The following PRAMEF2 variants were observed in gnomAD, a reference collection of about 807,000 sequenced individuals.
The protein encoded by PRAMEF2 is PRAME family member 2.
A neutral mutation model predicts 38.0 loss-of-function variants in PRAMEF2; 35 were observed. That is an observed-to-expected ratio of 0.92 (90% CI 0.70 to 1.22). PRAMEF2 has a LOEUF of 1.22. PRAMEF2 is among the 50% of genes most tolerant of loss of function. The probability of loss-of-function intolerance (pLI) is 0.00; values close to 1 mark genes in which losing one functional copy is unlikely to be tolerated. For missense variants in PRAMEF2, 562 were observed against 553.9 expected, an observed-to-expected ratio of 1.01 and a Z score of -0.15; for synonymous variants, 240 against 232.4, an observed-to-expected ratio of 1.03 and a Z score of -0.30.
At position 12,861,508 on chromosome 1, in the gene PRAMEF2, G is replaced by C; in HGVS notation, c.1154G>C (p.Gly385Ala). Residue 385 changes from glycine (G) to alanine (A), a missense_variant, in exon 4 of 4, where the codon GGC (glycine) becomes GCC (alanine). Coordinates refer to ENST00000240189, the MANE Select transcript of PRAMEF2 (RefSeq NM_023014.1). ...CCSQLTTFYF[G>A]SNCMSIDALK... Reference sequence around the variant, plus strand: ...TCCCAGCTCACCACCTTCTACTTTGGCAGCAATTGCATGTCTATTGACGCC... The same window carrying C: ...TCCCAGCTCACCACCTTCTACTTTGCCAGCAATTGCATGTCTATTGACGCC... 1 of 1,605,556 alleles carries C rather than the reference G, an allele frequency of 6.2e-7. No homozygotes were observed. Among genetic ancestry groups the C allele is most frequent in the African/African-American group, 1.3e-5 (1 of 74,230 alleles).
In PRAMEF2 at chr1:12,859,915, G is replaced by T; in HGVS notation, c.510G>T (p.Trp170Cys). 1.3e-6 allele frequency: 2 copies of T among 1,587,772 alleles called. No individual in the cohort carries two copies. ...QDECLRYLFQWVYQRRGLVHL... is the reference protein window; with the variant it reads ...QDECLRYLFQCVYQRRGLVHL... ...AATGCCTGAGATACCTCTTCCAGTG[G>T]GTTTACCAAAGGAGAGGTTTAGTAC... Residue 170 changes from tryptophan to cysteine, a missense_variant, in exon 3 of 4, where the codon TGG (tryptophan) becomes TGT (cysteine). Physicochemically the swap from Trp to Cys is radical, Grantham distance 215. Transcript: ENST00000240189.
rs1640527257 is a variant in PRAMEF2, at chr1:12,860,335, A to T, written c.866+64A>T. 10 of 1,594,596 alleles carry T rather than the reference A, an allele frequency of 6.3e-6. No individual in the cohort carries two copies. The South Asian group carries it at 1.1e-4, about 18-fold the overall frequency. On this transcript the variant is annotated intron_variant, in intron 3 of 3. Coordinates refer to ENST00000240189, the MANE Select transcript of PRAMEF2 (RefSeq NM_023014.1). The stretch of plus-strand genomic sequence containing the variant: ...ACAGACTTGTTCTGTTACAGCAAAC[A>T]TTAGAAGGCGTGTACTGTGTGCCAG...
In PRAMEF2 at chr1:12,860,121, T is replaced by A; in HGVS notation, c.716T>A (p.Phe239Tyr). The change falls in exon 3 of 4, where the codon TTC (phenylalanine) becomes TAC (tyrosine). Residue 239 changes from phenylalanine to tyrosine, a missense_variant. By Grantham distance (22) the Phe-to-Tyr change is conservative (BLOSUM62 3). Coordinates refer to ENST00000240189, the MANE Select transcript of PRAMEF2 (RefSeq NM_023014.1). ...ATGAAGACTCTTTGCAAACTCGTTT[T>A]CTCCAGGTGCCATCATTACACGTCA... is the stretch of plus-strand genomic sequence containing the variant. The part of the protein sequence containing the change: ...KEMKTLCKLV[F>Y]SRCHHYTSDN... The A allele has an allele frequency of 6.2e-7, 1 of 1,606,686 alleles. No individual in the cohort carries two copies. Among genetic ancestry groups the A allele is most frequent in the East Asian group, 2.2e-5 (1 of 44,686 alleles).
intron 2 of PRAMEF2, 127 bp downstream of exon 2, chr1:12,859,423 G>A (rs1485842153): frequency 4.6e-6 from 7 of 1,537,156 alleles, no homozygotes; most frequent in Non-Finnish European, 5.3e-6. Flanking sequence ...GAAGCTCAGG[G>A]AGGCTTTGGC....
rs1441305885 is a variant in PRAMEF2 at position 12,857,148 on chromosome 1, G to T, written c.-26+1G>T. On this transcript the variant is annotated splice_donor_variant, in intron 1 of 3. Transcript: ENST00000240189. LOFTEE classifies it low-confidence loss of function (5UTR_SPLICE). ...ACTCTGCAAAGTGAGTCCAGCGCTG[G>T]TAAGTCACCACCTTCTTAGGGTCAT... The T allele has an allele frequency of 6.7e-6, 1 of 148,174 alleles. No homozygotes were observed. The highest frequency in any genetic ancestry group is 1.5e-5 in the Non-Finnish European group (1 of 66,942). The allele number at this position is 148,174 out of a possible 1,614,324, so 9.2% of individuals were successfully genotyped here.
intron 1 of PRAMEF2, among the ~76,000 whole-genome samples, chr1:12,858,326 G>A (rs111742809): frequency 0.047 from 7,005 of 149,652 alleles, 108 homozygotes; most frequent in East Asian, 0.22. Context: ...GTGTGATGTC[G>A]GCTCACTGAA....
chr1:12,861,295 C>G lies in PRAMEF2; in HGVS notation c.941C>G (p.Ser314Cys). The stretch of plus-strand genomic sequence containing the variant: ...TTAGAAGAGGACTTGAAGTGTCTCT[C>G]CCAGTTCCCAAGCCTCGGTTACCTA... ...NLLEEDLKCL[S>C]QFPSLGYLKH... The change falls in exon 4 of 4, where the codon TCC (serine) becomes TGC (cysteine). Residue 314 changes from serine (S) to cysteine (C), a missense_variant. By Grantham distance (112) the Ser-to-Cys change is moderately radical (BLOSUM62 -1). Transcript: ENST00000240189. 1 of 1,599,800 alleles carries G rather than the reference C, an allele frequency of 6.3e-7. No individual in the cohort carries two copies. The highest frequency in any genetic ancestry group is 8.5e-7 in the Non-Finnish European group (1 of 1,172,208).
rs776562157 is a variant in PRAMEF2 at position 12,859,029 on chromosome 1, C to T, written c.20C>T (p.Pro7Leu). MSIQAP[P>L]RLLELAGQSL... ...ATCAGGATGAGCATCCAGGCCCCAC[C>T]GAGACTACTGGAGCTGGCGGGGCAG... Residue 7 changes from proline (P) to leucine (L), a missense_variant, in exon 2 of 4, where the codon CCG becomes CTG. Coordinates refer to ENST00000240189, the MANE Select transcript of PRAMEF2 (RefSeq NM_023014.1). The T allele has an allele frequency of 8.7e-6, 14 of 1,603,682 alleles. No individual in the cohort carries two copies. The highest frequency in any genetic ancestry group is 6.6e-5 in the South Asian group (6 of 90,396).
chr1:12,859,732 T>C lies in PRAMEF2; in HGVS notation c.327T>C (p.Asp109=), dbSNP rs17400817. 0.21 allele frequency: 317,626 copies of C among 1,522,344 alleles called. 46,029 individuals carry two copies. The highest frequency in any genetic ancestry group is 0.39 in the African/African-American group (27,955 of 72,538). The allele number at this position is 1,522,344 out of a possible 1,614,324, so 94.3% of individuals were successfully genotyped here. A position where few individuals can be genotyped will look rare whatever the true frequency, so the allele number is the denominator to read the frequency against. ...AAGTGCTGGATTTGCGGGATGTTGA[T>C]GAGAATTTCTGGGCCAGATGGCCTG... is the stretch of plus-strand genomic sequence containing the variant. ...KLQVLDLRDV[D]ENFWARWPGA... Residue 109 remains aspartate, a synonymous_variant, in exon 3 of 4, where the codon GAT becomes GAC. Transcript: ENST00000240189.
chr1:12,859,043 C>A lies in PRAMEF2; in HGVS notation c.34C>A (p.Leu12Met), dbSNP rs755280797. ...SIQAPPRLLE[L>M]AGQSLLRDQA... Reference sequence around the variant, plus strand: ...CCAGGCCCCACCGAGACTACTGGAGCTGGCGGGGCAGAGCCTGCTGAGAGA... The same window carrying A: ...CCAGGCCCCACCGAGACTACTGGAGATGGCGGGGCAGAGCCTGCTGAGAGA... The change falls in exon 2 of 4, where the codon CTG becomes ATG. Residue 12 changes from leucine (L) to methionine (M), a missense_variant. By Grantham distance (15) the Leu-to-Met change is conservative. This residue lies in a region of PRAMEF2 where 486 missense variants were observed against 444.2 expected (regional missense o/e 1.09). Coordinates refer to ENST00000240189, the MANE Select transcript of PRAMEF2 (RefSeq NM_023014.1). 1.5e-5 allele frequency: 24 copies of A among 1,604,130 alleles called. 1 individual carries two copies. Among genetic ancestry groups the A allele is most frequent in the Non-Finnish European group, 2.0e-5 (24 of 1,176,376 alleles).
In PRAMEF2 at chr1:12,859,179, A is replaced by G; in HGVS notation, c.170A>G (p.Gln57Arg). 1 of 1,608,866 alleles carries G rather than the reference A, an allele frequency of 6.2e-7. No individual in the cohort carries two copies. The highest frequency in any genetic ancestry group is 8.5e-7 in the Non-Finnish European group (1 of 1,177,612). Residue 57 changes from glutamine to arginine, a missense_variant, in exon 2 of 4, where the codon CAG becomes CGG. Physicochemically the swap from Gln to Arg is conservative, Grantham distance 43. Around this residue, in one of 2 missense-constraint regions of PRAMEF2, gnomAD observed 486 missense variants for 444.2 expected, o/e 1.09. Coordinates refer to ENST00000240189, the MANE Select transcript of PRAMEF2 (RefSeq NM_023014.1). ...TTCCAGACTCTGACGGTGATGGTGCAGGCCTGGCCTTTCACCTGCCTCCCT... is the reference window on the plus strand; with the variant it reads ...TTCCAGACTCTGACGGTGATGGTGCGGGCCTGGCCTTTCACCTGCCTCCCT... ...RHFQTLTVMV[Q>R]AWPFTCLPLV...
At position 12,860,231 on chromosome 1, in the gene PRAMEF2, T is replaced by C. The variant is rs141391067; in HGVS notation, c.826T>C (p.Leu276=). The change falls in exon 3 of 4, where the codon TTG becomes CTG. Residue 276 remains leucine (L), a synonymous_variant. Transcript: ENST00000240189. ...LEHLQLLKIK[L]ITFFSGHLEQ... is the part of the protein sequence containing the mutation. ...ACACCTCCAGTTGCTTAAAATAAAATTGATCACCTTCTTCAGTGGGCACCT... is the reference window on the plus strand; with the variant it reads ...ACACCTCCAGTTGCTTAAAATAAAACTGATCACCTTCTTCAGTGGGCACCT... 742 of 1,604,882 alleles carry C rather than the reference T, an allele frequency of 4.6e-4. 44 individuals are homozygous for C. The highest frequency in any genetic ancestry group is 6.0e-4 in the Non-Finnish European group (701 of 1,175,406).
At position 12,859,057 on chromosome 1, in the gene PRAMEF2, C is replaced by A; in HGVS notation, c.48C>A (p.Ser16Arg). 1 of 1,597,448 alleles carries A rather than the reference C, an allele frequency of 6.3e-7. No individual in the cohort carries two copies. The highest frequency in any genetic ancestry group is 8.5e-7 in the Non-Finnish European group (1 of 1,171,728). The change falls in exon 2 of 4, where the codon AGC becomes AGA. Residue 16 changes from serine (S) to arginine (R), a missense_variant. Ser to Arg is a moderately radical substitution (Grantham distance 110). Around this residue, in one of 2 missense-constraint regions of PRAMEF2, gnomAD observed 486 missense variants for 444.2 expected, o/e 1.09. Transcript: ENST00000240189. ...GACTACTGGAGCTGGCGGGGCAGAG[C>A]CTGCTGAGAGACCAGGCCTTGTCCA... Reference protein sequence around the residue: ...PPRLLELAGQSLLRDQALSIS... With the variant: ...PPRLLELAGQRLLRDQALSIS...
intron 1 of PRAMEF2, among the ~76,000 whole-genome samples, chr1:12,858,767 A>G (rs563492996): frequency 6.0e-5 from 9 of 149,676 alleles, no homozygotes; most frequent in South Asian, 2.1e-4. Flanking sequence ...TAATGGGTCA[A>G]TGGTCTCTTT....
intron 2 of PRAMEF2, 139 bp downstream of exon 2, chr1:12,859,435 A>G (rs1640503558): frequency 2.0e-6 from 3 of 1,494,168 alleles, no homozygotes; most frequent in South Asian, 1.3e-5. Flanking sequence ...GGCTTTGGCC[A>G]TTGTCCAGAT....
At chr1:12,858,808 T>C (rs1157122522) in intron 1 of PRAMEF2, among the ~76,000 whole-genome samples, 177 bp from the exon 2 acceptor site, 1 of 148,408 alleles carries the variant, frequency 6.7e-6, no homozygotes, top group Non-Finnish European at 1.5e-5. Flanking sequence ...TTGGAAGATA[T>C]TCTTCCTGGT....
In PRAMEF2 at chr1:12,859,715, G is replaced by A. The variant is rs754673894; in HGVS notation, c.310G>A (p.Asp104Asn). Residue 104 changes from aspartate to asparagine, a missense_variant, in exon 3 of 4, where the codon GAT (aspartate) becomes AAT (asparagine). By Grantham distance (23) the Asp-to-Asn change is conservative (BLOSUM62 1). Transcript: ENST00000240189. The part of the protein sequence containing the change: ...RPRRWKLQVL[D>N]LRDVDENFWA... Reference sequence around the variant, plus strand: ...CAGGAGGTGGAAACTTCAAGTGCTGGATTTGCGGGATGTTGATGAGAATTT... The same window carrying A: ...CAGGAGGTGGAAACTTCAAGTGCTGAATTTGCGGGATGTTGATGAGAATTT... 3 of 1,606,634 alleles carry A rather than the reference G, an allele frequency of 1.9e-6. No individual in the cohort carries two copies. Among genetic ancestry groups the A allele is most frequent in the East Asian group, 2.2e-5 (1 of 44,814 alleles).
At chr1:12,858,631 C>T (rs539097080) in intron 1 of PRAMEF2, among the ~76,000 whole-genome samples, 1 of 150,300 alleles carries the variant, frequency 6.7e-6, no homozygotes, top group East Asian at 2.0e-4. Context: ...GGGACACTCT[C>T]ATTCTCAATG....
At chr1:12,860,375 A>C in intron 3 of PRAMEF2, 104 bp downstream of exon 3, 2 of 1,544,694 alleles carry the variant, frequency 1.3e-6, no homozygotes, top group Non-Finnish European at 1.8e-6. Context: ...TGGCAACGTC[A>C]CAGTGAAGGG....
Sources: gnomAD v4.1 joint callset for allele counts (sites outside exome capture counted in the v4.1 genomes callset) on GRCh38, gnomAD v4.1.1 for gene constraint, gnomAD v4.1.1 regional missense constraint, MANE v1.5 for transcripts, NCBI Gene and HGNC (gene_info 2026-07-23, HGNC 2026-07-21) for gene names.